Variants in SMURF1 observed in about 807,000 individuals in gnomAD.
The protein encoded by SMURF1 is E3 ubiquitin-protein ligase SMURF1.
SMURF1 carries 44 observed loss-of-function variants against 98.0 expected under a neutral mutation model. That is an observed-to-expected ratio of 0.45 (90% CI 0.35 to 0.58). The LOEUF (loss-of-function observed/expected upper bound fraction) is 0.58. SMURF1 is among the 20% of genes least tolerant of loss of function. The probability of loss-of-function intolerance (pLI) is 0.00; values close to 1 mark genes in which losing one functional copy is unlikely to be tolerated. For missense variants in SMURF1, 687 were observed against 938.4 expected, an observed-to-expected ratio of 0.73 and a Z score of 3.50; for synonymous variants, 396 against 374.9, an observed-to-expected ratio of 1.06 and a Z score of -0.65.
chr7:99,060,402 AAAG>A (rs1796003871), intron 3 of SMURF1, among the ~76,000 whole-genome samples, 194 bp downstream of exon 3: 1 of 151,826 alleles, frequency 6.6e-6, no homozygotes, highest in South Asian at 2.1e-4. Flanking sequence ...AAAAAAGAAA[AAAG>A]AAAGTAACAA....
intron 1 of SMURF1, among the ~76,000 whole-genome samples, chr7:99,132,192 T>C (rs1797885006): frequency 6.6e-6 from 1 of 152,142 alleles, no homozygotes; most frequent in Non-Finnish European, 1.5e-5. Flanking sequence ...CAACCTGTAA[T>C]TGCTTGATCT....
chr7:99,046,270 A>G (rs1795570280), intron 10 of SMURF1, among the ~76,000 whole-genome samples: 1 of 152,232 alleles, frequency 6.6e-6, no homozygotes, highest in African/African-American at 2.4e-5. Context: ...AAAGATTTTA[A>G]GTAAGACATA....
At chr7:99,138,709 G>A (rs1472512544) in intron 1 of SMURF1, among the ~76,000 whole-genome samples, 1 of 151,348 alleles carries the variant, frequency 6.6e-6, no homozygotes, top group East Asian at 1.9e-4. Flanking sequence ...CAGTTGGGTG[G>A]GCCAAGAAGA....
At chr7:99,050,792 A>G (rs1347428182) in intron 8 of SMURF1, 1 of 721,408 alleles carries the variant, frequency 1.4e-6, no homozygotes, top group Non-Finnish European at 2.2e-6. Flanking sequence ...AATCATGAAT[A>G]AAAAGGAACT....
chr7:99,051,847 G>A (rs1275796696), intron 7 of SMURF1, among the ~76,000 whole-genome samples: 1 of 152,088 alleles, frequency 6.6e-6, no homozygotes, highest in Non-Finnish European at 1.5e-5. Flanking sequence ...TATGGCACAG[G>A]CTACTCAAAA....
intron 12 of SMURF1, 73 bp downstream of exon 12, chr7:99,042,045 G>A: frequency 8.3e-7 from 1 of 1,203,828 alleles, no homozygotes; most frequent in East Asian, 2.3e-5. Context: ...ACCAAGGACT[G>A]AGAATGAAAC....
chr7:99,139,086 A>C (rs1016680002), intron 1 of SMURF1, among the ~76,000 whole-genome samples: 1 of 152,226 alleles, frequency 6.6e-6, no homozygotes, highest in Non-Finnish European at 1.5e-5. Context: ...TAGCTGGTAC[A>C]AATTGACAAA....
In SMURF1 at chr7:99,123,805, A is replaced by G. The variant is rs189604670; in HGVS notation, c.55+19921T>C. Among the ~76,000 whole-genome samples the G allele has an allele frequency of 6.6e-5, 10 of 152,314 alleles. No homozygotes were observed. The East Asian group carries it at 1.9e-3, about 29-fold the overall frequency. On this transcript the variant is annotated intron_variant, in intron 1 of 17. Coordinates refer to ENST00000361368, the MANE Select transcript of SMURF1 (RefSeq NM_181349.3). ...AGATTTAGAAACAATCTTTACTCCA[A>G]CTTACAAAGTAAGAAGCCAAATATC...
intron 1 of SMURF1, among the ~76,000 whole-genome samples, chr7:99,078,039 C>A (rs1796502491): frequency 6.6e-6 from 1 of 152,158 alleles, no homozygotes; most frequent in Non-Finnish European, 1.5e-5. Flanking sequence ...TCACTCACTC[C>A]TATAATCCCA....
chr7:99,105,204 G>A (rs909849671), intron 1 of SMURF1, among the ~76,000 whole-genome samples: 3 of 152,190 alleles, frequency 2.0e-5, no homozygotes, highest in African/African-American at 7.2e-5. Context: ...AGTGAAACTA[G>A]ACAGCTACAA....
intron 9 of SMURF1, chr7:99,048,245 C>T (rs746105808): frequency 1.6e-4 from 37 of 233,948 alleles, no homozygotes; most frequent in Non-Finnish European, 2.6e-4. Flanking sequence ...AAAAATTAGC[C>T]AGGTGTGGTG....
intron 1 of SMURF1, among the ~76,000 whole-genome samples, chr7:99,090,648 T>C (rs768271135): frequency 9.9e-5 from 15 of 152,216 alleles, no homozygotes; most frequent in Admixed American, 4.6e-4. Flanking sequence ...CAATCTGTAA[T>C]AGAAGAAAAA....
rs1425643931 is a variant in SMURF1, at chr7:99,143,728, G to A, written c.53C>T (p.Thr18Ile). ...RNGSSIKIRL[T>I]VLCAKNLAKK... ...GGTGGGCCTCCCGCCGGCCGTACCT[G>A]TCAGACGGATCTTGATGCTGGAGCC... is the stretch of plus-strand genomic sequence containing the variant. Residue 18 changes from threonine (T) to isoleucine (I), a missense_variant and splice_region_variant, in exon 1 of 18, where the codon ACA becomes ATA. Transcript: ENST00000361368. 1.3e-6 allele frequency: 2 copies of A among 1,559,858 alleles called. No homozygotes were observed. Among genetic ancestry groups the A allele is most frequent in the Non-Finnish European group, 1.7e-6 (2 of 1,155,966 alleles).
chr7:99,087,841 TC>T (rs1017917030), intron 1 of SMURF1, among the ~76,000 whole-genome samples: 4 of 152,138 alleles, frequency 2.6e-5, no homozygotes, highest in African/African-American at 9.7e-5. Flanking sequence ...TTTCTCTAAT[TC>T]CTTTTAATCA....
chr7:99,051,416 T>G lies in SMURF1; in HGVS notation c.747A>C (p.Gln249His). ...GYEQRTTVQG[Q>H]VYFLHTQTGV... ...CAGTCTGTGTATGCAAAAAGTAAACTTGGCCCTGGACTGTTGTTCTTTGTT... is the reference window on the plus strand; with the variant it reads ...CAGTCTGTGTATGCAAAAAGTAAACGTGGCCCTGGACTGTTGTTCTTTGTT... The change falls in exon 8 of 18, where the codon CAA becomes CAC. Residue 249 changes from glutamine (Q) to histidine (H), a missense_variant. By Grantham distance (24) the Gln-to-His change is conservative. This residue lies in a region of SMURF1 where 415 missense variants were observed against 508.4 expected (regional missense o/e 0.82). Transcript: ENST00000361368. The G allele has an allele frequency of 1.9e-6, 3 of 1,614,136 alleles. No homozygotes were observed. The highest frequency in any genetic ancestry group is 1.7e-6 in the Non-Finnish European group (2 of 1,180,004).
At chr7:99,117,601 TC>T (rs1797488421) in intron 1 of SMURF1, among the ~76,000 whole-genome samples, 1 of 151,306 alleles carries the variant, frequency 6.6e-6, no homozygotes, top group Admixed American at 6.6e-5. Flanking sequence ...TCCACCCACC[TC>T]GGCCTCCCAA....
At chr7:99,049,915 T>G (rs547952291) in intron 8 of SMURF1, 12 of 470,532 alleles carry the variant, frequency 2.6e-5, no homozygotes, top group African/African-American at 2.0e-4. Context: ...CCGAGAGATT[T>G]AAAACCAAAC....
chr7:99,031,230 A>C (rs1417372194), intron 17 of SMURF1: 1 of 152,348 alleles, frequency 6.6e-6, no homozygotes, highest in Non-Finnish European at 1.5e-5. Context: ...ATCTGAGACC[A>C]AAACAGGGCA....
chr7:99,047,680 C>T lies in SMURF1; in HGVS notation c.1152+4G>A. The T allele has an allele frequency of 6.2e-7, 1 of 1,614,206 alleles. No homozygotes were observed. The highest frequency in any genetic ancestry group is 8.5e-7 in the Non-Finnish European group (1 of 1,180,028). On this transcript the variant is annotated splice_donor_region_variant and intron_variant, in intron 10 of 17. Coordinates refer to ENST00000361368, the MANE Select transcript of SMURF1 (RefSeq NM_181349.3). ...GGTCTGGGCAGTGGCCCTGAACTCT[C>T]TACCTCAAAGATTTCTTCTCTGGAC... is the stretch of plus-strand genomic sequence containing the variant.
Sources: gnomAD v4.1 joint callset for allele counts (sites outside exome capture counted in the v4.1 genomes callset) on GRCh38, gnomAD v4.1.1 for gene constraint, gnomAD v4.1.1 regional missense constraint, MANE v1.5 for transcripts, NCBI Gene and HGNC (gene_info 2026-07-23, HGNC 2026-07-21) for gene names.